CTSB: variants seen among roughly 807,000 people sequenced by gnomAD.
CTSB encodes the protein cathepsin B.
In CTSB, 57 loss-of-function variants were observed where a neutral mutation model predicts 44.3. That is an observed-to-expected ratio of 1.29 (90% CI 1.04 to 1.60). CTSB has a LOEUF of 1.60. Ranked by LOEUF, CTSB falls within the 40% of genes most tolerant of loss-of-function variation. The probability of loss-of-function intolerance (pLI) is 0.00; values close to 1 mark genes in which losing one functional copy is unlikely to be tolerated. For synonymous variants in CTSB, 320 were observed against 168.0 expected (o/e 1.91, Z -7.00); for missense variants, 768 against 443.0 (o/e 1.73, Z -6.59).
chr8:11,845,129 A>C lies in CTSB; in HGVS notation c.1016T>G (p.Ile339Ser). The change falls in exon 10 of 10, where the codon ATC becomes AGC. Residue 339 changes from isoleucine to serine, a missense_variant. Coordinates refer to ENST00000353047, the MANE Select transcript of CTSB (RefSeq NM_001908.5). ...IPRTDQYWEK[I>S] The stretch of plus-strand genomic sequence containing the variant: ...GCACGACAGGCCCACGGCAGATTAG[A>C]TCTTTTCCCAGTACTGATCGGTGCG... 1 of 1,611,176 alleles carries C rather than the reference A, an allele frequency of 6.2e-7. No individual in the cohort carries two copies. The highest frequency in any genetic ancestry group is 1.1e-5 in the South Asian group (1 of 91,000).
chr8:11,845,151 T>A lies in CTSB; in HGVS notation c.994A>T (p.Thr332Ser). Residue 332 changes from threonine to serine, a missense_variant, in exon 10 of 10, where the codon ACC becomes TCC. Transcript: ENST00000353047. ...TAGATCTTTTCCCAGTACTGATCGG[T>A]GCGTGGAATTCCAGCCACCACTTCT... ...ESEVVAGIPR[T>S]DQYWEKI 3.1e-6 allele frequency: 5 copies of A among 1,613,810 alleles called. No individual in the cohort carries two copies. Among genetic ancestry groups the A allele is most frequent in the Non-Finnish European group, 4.2e-6 (5 of 1,179,712 alleles).
chr8:11,864,377 A>ACTC (rs1232536822), intron 1 of CTSB: 1 of 148,178 alleles, frequency 6.7e-6, no homozygotes, highest in Non-Finnish European at 1.5e-5. Context: ...GCTACTTACT[A>ACTC]CTCGGGAGGC....
intron 1 of CTSB, among the ~76,000 whole-genome samples, chr8:11,863,034 T>G (rs1467266978): frequency 6.6e-6 from 1 of 152,202 alleles, no homozygotes; most frequent in African/African-American, 2.4e-5. Context: ...AGTTCTGGGC[T>G]GAGCACAGTG....
intron 4 of CTSB, chr8:11,850,576 G>A: frequency 3.6e-6 from 1 of 280,608 alleles, no homozygotes; most frequent in Non-Finnish European, 6.8e-6. Context: ...GAGTAGCAGT[G>A]AGAGCTCCTG....
chr8:11,865,404 A>T (rs1816976569), intron 1 of CTSB: 1 of 151,288 alleles, frequency 6.6e-6, no homozygotes, highest in Non-Finnish European at 1.5e-5. Context: ...GGATTTTTTT[A>T]GGAGAGACAA....
At chr8:11,867,659 G>GCTCTTCCTCGCAGGCGCCTCC (rs1817360830) in intron 1 of CTSB, 1 of 152,256 alleles carries the variant, frequency 6.6e-6, no homozygotes, top group Admixed American at 6.5e-5. Flanking sequence ...ACCCGGCCGA[G>GCTCTTCCTCGCAGGCGCCTCC]CTCTTCCTCG....
At position 11,842,544 on chromosome 8, in the gene CTSB, T is replaced by C. The variant is rs920069259; in HGVS notation, c.*2581A>G. 6.6e-6 allele frequency: 1 copy of C among 152,206 alleles called. No homozygotes were observed. Among genetic ancestry groups the C allele is most frequent in the South Asian group, 2.1e-4 (1 of 4,826 alleles). The allele number at this position is 152,206 out of a possible 1,614,324, so 9.4% of individuals were successfully genotyped here. On this transcript the variant is annotated 3_prime_UTR_variant, in exon 10 of 10. Coordinates refer to ENST00000353047, the MANE Select transcript of CTSB (RefSeq NM_001908.5). The stretch of plus-strand genomic sequence containing the variant: ...CTCAGTTTGGGAGCAGGGAGAACTT[T>C]ATTGAGGTTATGAATATATTCTACT...
At position 11,845,043 on chromosome 8, in the gene CTSB, G is replaced by A. The variant is rs968304269; in HGVS notation, c.*82C>T. On this transcript the variant is annotated 3_prime_UTR_variant, in exon 10 of 10. Coordinates refer to ENST00000353047, the MANE Select transcript of CTSB (RefSeq NM_001908.5). ...GTCCTTCAGACCCTGTCTGAAACTT[G>A]TATCTTACGTGAACTTAAAGAATAA... is the stretch of plus-strand genomic sequence containing the variant. The A allele has an allele frequency of 4.6e-5, 44 of 959,336 alleles. No homozygotes were observed. Among genetic ancestry groups the A allele is most frequent in the Non-Finnish European group, 6.3e-5 (38 of 603,206 alleles). 59.4% of individuals were successfully genotyped at this position (959,336 alleles called of 1,614,324 possible).
At position 11,845,125 on chromosome 8, in the gene CTSB, T is replaced by G. The variant is rs1271398736; in HGVS notation, c.1020A>C (p.Ter340TyrextTer34). ...PRTDQYWEKI* is the reference protein window; with the variant it reads ...PRTDQYWEKIY ...ACTGGCACGACAGGCCCACGGCAGA[T>G]TAGATCTTTTCCCAGTACTGATCGG... The change falls in exon 10 of 10, where the codon TAA becomes TAC. Residue 340 changes from the stop codon to tyrosine (Y), a stop_lost. Transcript: ENST00000353047. 14 of 1,608,746 alleles carry G rather than the reference T, an allele frequency of 8.7e-6. No homozygotes were observed. Among genetic ancestry groups the G allele is most frequent in the Non-Finnish European group, 1.2e-5 (14 of 1,175,102 alleles).
intron 8 of CTSB, 32 bp downstream of exon 8, chr8:11,847,020 A>AC: frequency 7.6e-6 from 5 of 656,836 alleles, no homozygotes; most frequent in South Asian, 5.6e-5. Flanking sequence ...CCCGACCCCC[A>AC]CCCTCTATTG....
At position 11,853,412 on chromosome 8, in the gene CTSB, C is replaced by T. The variant is rs1814962879; in HGVS notation, c.43G>A (p.Ala15Thr). Reference protein sequence around the residue: ...WASLCCLLVLANARSRPSFHP... With the variant: ...WASLCCLLVLTNARSRPSFHP... ...AAAGAGGGCCTGCTCCGGGCATTGG[C>T]CAACACCAGCAGGCAGCAGAGGGAG... Residue 15 changes from alanine (A) to threonine (T), a missense_variant, in exon 2 of 10, where the codon GCC (alanine) becomes ACC (threonine). Coordinates refer to ENST00000353047, the MANE Select transcript of CTSB (RefSeq NM_001908.5). The T allele has an allele frequency of 4.3e-6, 7 of 1,612,582 alleles. No individual in the cohort carries two copies. In the Admixed American group the frequency reaches 1.0e-4, roughly 23 times the overall value.
At chr8:11,860,652 A>C (rs1290252027) in intron 1 of CTSB, among the ~76,000 whole-genome samples, 1 of 152,048 alleles carries the variant, frequency 6.6e-6, no homozygotes, top group Admixed American at 6.6e-5. Flanking sequence ...CAAAACAAAA[A>C]CAAAAGTCAA....
At chr8:11,852,535 A>C (rs1814776360) in intron 3 of CTSB, 75 bp downstream of exon 3, 4 of 1,240,634 alleles carry the variant, frequency 3.2e-6, no homozygotes, top group Admixed American at 2.0e-5. Flanking sequence ...AGAGGCCTTC[A>C]CTCTCCCACT....
At position 11,852,793 on chromosome 8, in the gene CTSB, C is replaced by A. The variant is rs1386494211; in HGVS notation, c.127-98G>T. ...AGCCCAACCCAGGGAAAACCAGAGA[C>A]CCTACCCAATTCAAGGGCCCAAGGG... On this transcript the variant is annotated intron_variant, in intron 2 of 9. Coordinates refer to ENST00000353047, the MANE Select transcript of CTSB (RefSeq NM_001908.5). 4 of 1,068,454 alleles carry A rather than the reference C, an allele frequency of 3.7e-6. No individual in the cohort carries two copies. In the South Asian group the frequency reaches 4.2e-5, roughly 11 times the overall value. 66.2% of individuals were successfully genotyped at this position (1,068,454 alleles called of 1,614,324 possible).
At chr8:11,856,973 A>C (rs1482150416) in intron 1 of CTSB, among the ~76,000 whole-genome samples, 2 of 152,208 alleles carry the variant, frequency 1.3e-5, no homozygotes, top group Non-Finnish European at 2.9e-5. Flanking sequence ...ATTTGTTTTA[A>C]TGATTCCTCA....
rs1358366910 is a variant in CTSB, at chr8:11,847,155, G to A, written c.690C>T (p.Tyr230=). The change falls in exon 8 of 10, where the codon TAC becomes TAT. Residue 230 remains tyrosine (Y), a synonymous_variant. Transcript: ENST00000353047. ...TGTCCTTCTCGCTATTGGAGACGCT[G>A]TAGGAATTGTATCCTGGAAAATGAA... is the stretch of plus-strand genomic sequence containing the variant. The part of the protein sequence containing the change: ...KQDKHYGYNS[Y]SVSNSEKDIM... 5 of 1,610,502 alleles carry A rather than the reference G, an allele frequency of 3.1e-6. No homozygotes were observed. Among genetic ancestry groups the A allele is most frequent in the Non-Finnish European group, 4.2e-6 (5 of 1,176,908 alleles).
In CTSB at chr8:11,849,174, C is replaced by T. The variant is rs79702619; in HGVS notation, c.328-10G>A. 1.1e-4 allele frequency: 174 copies of T among 1,608,470 alleles called. 2 individuals are homozygous for T. In the Middle Eastern group the frequency reaches 2.3e-3, roughly 21 times the overall value. ...CCACAGCCCCGAAGGCCTGCAGGAA[C>T]GAGCCCCACCGGGTGAGGCTGCCAT... On this transcript the variant is annotated splice_polypyrimidine_tract_variant and intron_variant, in intron 4 of 9. Coordinates refer to ENST00000353047, the MANE Select transcript of CTSB (RefSeq NM_001908.5).
intron 7 of CTSB, 123 bp downstream of exon 7, chr8:11,847,556 C>T (rs1813632563): frequency 1.8e-6 from 2 of 1,103,138 alleles, no homozygotes; most frequent in East Asian, 2.6e-5. Context: ...ACTCCCCCTC[C>T]TCTATCCTAG....
rs1051637433 is a variant in CTSB, at chr8:11,843,979, G to T, written c.*1146C>A. The T allele has an allele frequency of 6.6e-6, 1 of 152,256 alleles. No homozygotes were observed. The allele number at this position is 152,256 out of a possible 1,614,324, so 9.4% of individuals were successfully genotyped here. ...TCTAGGAGGCTGCAGGTTGCAGTGA[G>T]CTGAGAAGGCGCCACTGCACTCCAG... On this transcript the variant is annotated 3_prime_UTR_variant, in exon 10 of 10. Transcript: ENST00000353047.
Sources: gnomAD v4.1 joint callset for allele counts (sites outside exome capture counted in the v4.1 genomes callset) on GRCh38, gnomAD v4.1.1 for gene constraint, MANE v1.5 for transcripts, NCBI Gene and HGNC (gene_info 2026-07-23, HGNC 2026-07-21) for gene names.